Variants in AQR observed in about 807,000 individuals in gnomAD.
AQR encodes aquarius intron-binding spliceosomal factor, also known as RNA helicase aquarius.
A neutral mutation model predicts 180.5 loss-of-function variants in AQR; 61 were observed. That is an observed-to-expected ratio of 0.34 (90% CI 0.28 to 0.42). The LOEUF (loss-of-function observed/expected upper bound fraction) is 0.42, where lower values mean the gene tolerates loss of function less well. Among genes scored for constraint, AQR ranks in the 10% least tolerant of loss-of-function variants. The pLI, the probability that AQR is intolerant of heterozygous loss-of-function variation, is 1.00. For synonymous variants in AQR, 551 were observed against 588.8 expected (o/e 0.94, Z 0.93); for missense variants, 1,281 against 1,798.3 (o/e 0.71, Z 5.20).
At chr15:34,931,627 T>C (rs1173035378) in intron 11 of AQR, among the ~76,000 whole-genome samples, 1 of 152,118 alleles carries the variant, frequency 6.6e-6, no homozygotes, top group Non-Finnish European at 1.5e-5. Context: ...GGCAACATGG[T>C]GAGACCCTGT....
chr15:34,879,644 T>C (rs1412852970), intron 27 of AQR, among the ~76,000 whole-genome samples: 1 of 152,186 alleles, frequency 6.6e-6, no homozygotes, highest in Admixed American at 6.5e-5. Flanking sequence ...TGTTAGAGTA[T>C]TGGCTTCTAG....
At chr15:34,967,068 G>T (rs568726323) in intron 1 of AQR, among the ~76,000 whole-genome samples, 6 of 151,932 alleles carry the variant, frequency 3.9e-5, no homozygotes, top group East Asian at 3.9e-4. Flanking sequence ...TAGAGACAGG[G>T]TTTCTCCATA....
At chr15:34,958,693 A>T (rs1894367345) in intron 3 of AQR, among the ~76,000 whole-genome samples, 1 of 152,250 alleles carries the variant, frequency 6.6e-6, no homozygotes, top group South Asian at 2.1e-4. Flanking sequence ...TTTCCACTGG[A>T]GTGAAAATCT....
intron 34 of AQR, 23 bp downstream of exon 34, chr15:34,860,017 TAA>T: frequency 8.2e-7 from 1 of 1,214,140 alleles, no homozygotes; most frequent in Non-Finnish European, 1.1e-6. Context: ...GCAAGAAAAA[TAA>T]AAGTCGATTT....
In AQR at chr15:34,854,359, T is replaced by C. The variant is rs1892558144; in HGVS notation, c.*2433A>G. 1 of 152,154 alleles carries C rather than the reference T, an allele frequency of 6.6e-6. No individual in the cohort carries two copies. Among genetic ancestry groups the C allele is most frequent in the Admixed American group, 6.6e-5 (1 of 15,266 alleles). The allele number at this position is 152,154 out of a possible 1,614,324, so 9.4% of individuals were successfully genotyped here. ...ATGGCTAGAGTACCTGTGTCTGTAG[T>C]AATCCCAAACTATATAGAAAACTCT... On this transcript the variant is annotated 3_prime_UTR_variant, in exon 35 of 35. Coordinates refer to ENST00000156471, the MANE Select transcript of AQR (RefSeq NM_014691.3).
chr15:34,934,691 T>C, intron 9 of AQR, 56 bp from the exon 10 acceptor site: 1 of 1,252,750 alleles, frequency 8.0e-7, no homozygotes. Context: ...TTTTGCATGC[T>C]GTTTCTGAAA....
chr15:34,896,139 C>T (rs2140474243), intron 22 of AQR, among the ~76,000 whole-genome samples: 1 of 152,324 alleles, frequency 6.6e-6, no homozygotes, highest in Non-Finnish European at 1.5e-5. Context: ...CTGTAAAGAG[C>T]CAGAGAGGAA....
At chr15:34,870,684 GAAC>G in intron 31 of AQR, 65 bp downstream of exon 31, 2 of 1,377,100 alleles carry the variant, frequency 1.5e-6, no homozygotes, top group South Asian at 1.6e-5. Flanking sequence ...AGGCAAAGCA[GAAC>G]AATATAAACC....
chr15:34,919,139 T>C (rs961908529), intron 14 of AQR, among the ~76,000 whole-genome samples: 2 of 150,436 alleles, frequency 1.3e-5, no homozygotes, highest in African/African-American at 4.9e-5. Context: ...CTCAGGAGGC[T>C]GAGGCAAGAG....
chr15:34,962,509 CTGTAATCCCACCACTTTGGGAGGCCAAGG>C (rs2050285557), intron 2 of AQR, among the ~76,000 whole-genome samples: 1 of 152,070 alleles, frequency 6.6e-6, no homozygotes, highest in African/African-American at 2.4e-5. Context: ...TGGCTCAAGC[CTGTAATCCCACCACTTTGGGAGGCCAAGG>C]TGGGCAGATC....
Position 34,948,395 on chromosome 15 carries a change from T to C in AQR, c.210-11A>G. 1 of 1,610,104 alleles carries C rather than the reference T, an allele frequency of 6.2e-7. No homozygotes were observed. The stretch of plus-strand genomic sequence containing the variant: ...TTTTCAAGATACTGGCTGTAAAGAG[T>C]AAAAAGCATAGAATACTTCATTAGT... On this transcript the variant is annotated splice_polypyrimidine_tract_variant and intron_variant, in intron 4 of 34. Coordinates refer to ENST00000156471, the MANE Select transcript of AQR (RefSeq NM_014691.3).
chr15:34,885,334 A>T lies in AQR; in HGVS notation c.2818-600T>A, dbSNP rs1893043000. On this transcript the variant is annotated intron_variant, in intron 25 of 34. Coordinates refer to ENST00000156471, the MANE Select transcript of AQR (RefSeq NM_014691.3). The stretch of plus-strand genomic sequence containing the variant: ...TACCAGCCAGTTACTATGTAACCTC[A>T]ATTTCTGTAACTCTCCCAGGTCTTT... 3.3e-5 allele frequency among the ~76,000 whole-genome samples: 5 copies of T among 152,178 alleles called. No individual in the cohort carries two copies. In the South Asian group the frequency reaches 1.0e-3, roughly 32 times the overall value.
chr15:34,878,085 A>G (rs1892912640), intron 27 of AQR, among the ~76,000 whole-genome samples: 1 of 152,138 alleles, frequency 6.6e-6, no homozygotes, highest in Admixed American at 6.6e-5. Context: ...CCCTTTCTCA[A>G]CTATAAAATG....
In AQR at chr15:34,851,966, C is replaced by T. The variant is rs2123051; in HGVS notation, c.*4826G>A. 1.3e-5 allele frequency: 2 copies of T among 152,090 alleles called. No individual in the cohort carries two copies. Among genetic ancestry groups the T allele is most frequent in the East Asian group, 1.9e-4 (1 of 5,186 alleles). The allele number at this position is 152,090 out of a possible 1,614,324, so 9.4% of individuals were successfully genotyped here. A position where few individuals can be genotyped will look rare whatever the true frequency, so the allele number is the denominator to read the frequency against. On this transcript the variant is annotated 3_prime_UTR_variant, in exon 35 of 35. Coordinates refer to ENST00000156471, the MANE Select transcript of AQR (RefSeq NM_014691.3). ...ATTCATTTGCATTTTCAGGATGTTG[C>T]GATTAATACCACATGACACTCAATA...
Position 34,937,112 on chromosome 15 carries a change from A to T in AQR, c.718+1625T>A, listed in dbSNP as rs180799069. Among the ~76,000 whole-genome samples the T allele has an allele frequency of 7.9e-5, 12 of 152,260 alleles. No individual in the cohort carries two copies. In the East Asian group the frequency reaches 2.3e-3, roughly 29 times the overall value. ...GAGTGCAGTGGCACAATCTCGGCTC[A>T]CTGCAAGCTCCACCTCCTGGGTTCA... is the stretch of plus-strand genomic sequence containing the variant. On this transcript the variant is annotated intron_variant, in intron 9 of 34. Coordinates refer to ENST00000156471, the MANE Select transcript of AQR (RefSeq NM_014691.3).
At chr15:34,866,887 G>A (rs1257315057) in intron 32 of AQR, among the ~76,000 whole-genome samples, 2 of 152,102 alleles carry the variant, frequency 1.3e-5, no homozygotes, top group East Asian at 1.9e-4. Flanking sequence ...AACATTATGA[G>A]AGCTTGGAGA....
intron 10 of AQR, among the ~76,000 whole-genome samples, chr15:34,933,164 T>C (rs1893892005): frequency 6.6e-6 from 1 of 152,216 alleles, no homozygotes; most frequent in Non-Finnish European, 1.5e-5. Context: ...ACACTATAGC[T>C]TGAAAATTAC....
At chr15:34,935,815 T>C (rs1893935912) in intron 9 of AQR, among the ~76,000 whole-genome samples, 2 of 152,216 alleles carry the variant, frequency 1.3e-5, no homozygotes, top group South Asian at 4.1e-4. Flanking sequence ...TATACAGTCA[T>C]TTAAAATAAC....
At chr15:34,948,114 T>C (rs1405683493) in intron 5 of AQR, 150 bp downstream of exon 5, 15 of 803,126 alleles carry the variant, frequency 1.9e-5, no homozygotes, top group Non-Finnish European at 2.6e-5. Flanking sequence ...AGAAAACATA[T>C]CTTTCACATA....
Sources: allele counts gnomAD v4.1 joint callset (sites outside exome capture counted in the v4.1 genomes callset), GRCh38; gene constraint gnomAD v4.1.1; transcripts MANE v1.5; gene names NCBI Gene and HGNC (gene_info 2026-07-23, HGNC 2026-07-21).